CBR4: variants seen among roughly 807,000 people sequenced by gnomAD.
The protein encoded by CBR4 is carbonyl reductase 4.
CBR4 carries 22 observed loss-of-function variants against 21.0 expected under a neutral mutation model. The observed-to-expected ratio is 1.05, with a 90% CI of 0.75 to 1.50. The LOEUF (loss-of-function observed/expected upper bound fraction) is 1.50. Ranked by LOEUF, CBR4 falls within the 40% of genes most tolerant of loss-of-function variation. The pLI is 0.00. For missense variants in CBR4, 302 were observed against 286.3 expected, an observed-to-expected ratio of 1.05 and a Z score of -0.40; for synonymous variants, 100 against 104.4, an observed-to-expected ratio of 0.96 and a Z score of 0.26.
intron 2 of CBR4, chr4:168,903,614 A>G (rs1757015727): frequency 1.5e-6 from 1 of 670,634 alleles, no homozygotes. Context: ...TGAAAAATCA[A>G]TTCCTTAGTC....
chr4:168,936,640 A>G (rs1002670811), intron 2 of CBR4, among the ~76,000 whole-genome samples: 8 of 152,160 alleles, frequency 5.3e-5, no homozygotes, highest in African/African-American at 1.9e-4. Flanking sequence ...TGAAGTATAC[A>G]AAAGTATCAA....
At chr4:168,900,482 C>T (rs574477692) in intron 2 of CBR4, among the ~76,000 whole-genome samples, 1 of 152,122 alleles carries the variant, frequency 6.6e-6, no homozygotes, top group Non-Finnish European at 1.5e-5. Flanking sequence ...GCAATGTACT[C>T]AATGAAATAA....
At chr4:169,007,820 T>C in intron 1 of CBR4, 64 bp from the exon 2 acceptor site, 2 of 1,214,584 alleles carry the variant, frequency 1.6e-6, no homozygotes, top group Non-Finnish European at 2.3e-6. Context: ...CAATACACAT[T>C]TGTTAAGCAT....
At chr4:168,993,673 T>G (rs1359243836) in intron 4 of CBR4, among the ~76,000 whole-genome samples, 1 of 152,210 alleles carries the variant, frequency 6.6e-6, no homozygotes, top group Non-Finnish European at 1.5e-5. Flanking sequence ...CTTTTCAAAC[T>G]CTAGCAAAAT....
chr4:168,925,211 C>T (rs754499966), intron 2 of CBR4: 5 of 1,459,220 alleles, frequency 3.4e-6, no homozygotes, highest in Non-Finnish European at 4.6e-6. Context: ...TCATATTGCT[C>T]TCTCTCTCTT....
chr4:168,964,017 G>A (rs899478607), intron 2 of CBR4, among the ~76,000 whole-genome samples: 2 of 152,058 alleles, frequency 1.3e-5, no homozygotes, highest in South Asian at 2.1e-4. Context: ...GCAACTGACA[G>A]GAAATATAGA....
intron 2 of CBR4, among the ~76,000 whole-genome samples, chr4:168,979,385 A>G (rs1764471479): frequency 6.6e-6 from 1 of 151,850 alleles, no homozygotes. Flanking sequence ...TTTATAGAAA[A>G]GCAACCAGAC....
intron 4 of CBR4, among the ~76,000 whole-genome samples, chr4:168,995,446 C>T (rs1284015182): frequency 6.6e-6 from 1 of 152,138 alleles, no homozygotes; most frequent in Non-Finnish European, 1.5e-5. Context: ...AAGCCTTAGA[C>T]AGGCAAGGAG....
chr4:169,005,288 A>G (rs1730814165), intron 3 of CBR4: 1 of 152,280 alleles, frequency 6.6e-6, no homozygotes, highest in African/African-American at 2.4e-5. Flanking sequence ...ACCTATTAAC[A>G]GTAGTGTCAC....
intron 2 of CBR4, among the ~76,000 whole-genome samples, chr4:168,977,548 T>C (rs1184958944): frequency 6.6e-6 from 1 of 152,190 alleles, no homozygotes; most frequent in East Asian, 1.9e-4. Flanking sequence ...CTAAACTCTC[T>C]ACCTAAGCAA....
chr4:168,910,176 G>A (rs1235154597), intron 2 of CBR4, among the ~76,000 whole-genome samples: 1 of 150,510 alleles, frequency 6.6e-6, no homozygotes, highest in Non-Finnish European at 1.5e-5. Context: ...TGAAAACAGT[G>A]TAGAAATGTG....
chr4:168,948,318 T>A (rs922343410), intron 2 of CBR4, among the ~76,000 whole-genome samples: 3 of 152,174 alleles, frequency 2.0e-5, no homozygotes, highest in African/African-American at 7.2e-5. Context: ...ACTCTGTGGG[T>A]TGTCTGTTTA....
intron 2 of CBR4, chr4:168,898,410 A>G (rs1417110845): frequency 5.9e-6 from 5 of 844,220 alleles, no homozygotes; most frequent in African/African-American, 1.7e-5. Flanking sequence ...ACTGTCTTCT[A>G]GGGCCTTATT....
At chr4:168,928,081 T>TAATA (rs1460381710) in intron 2 of CBR4, 2 of 196,174 alleles carry the variant, frequency 1.0e-5, no homozygotes, top group East Asian at 8.0e-5. Flanking sequence ...TTTAAGTGAT[T>TAATA]AATAGGCTTG....
intron 2 of CBR4, chr4:168,903,981 T>C (rs1259489810): frequency 3.7e-6 from 5 of 1,354,738 alleles, no homozygotes; most frequent in Non-Finnish European, 5.3e-6. Flanking sequence ...AAGGAACTAT[T>C]TAAAAGGTGA....
rs768895830 is a variant in CBR4 at position 168,898,450 on chromosome 4, C to G, written n.170-3685G>C. On this transcript the variant is annotated intron_variant and non_coding_transcript_variant, in intron 2 of 3. Transcript: ENST00000509108. ...GGCAGGGAGAGACGTGACACTTTGT[C>G]AGAAGGGATTGAGTCTGCTAACTTA... 42 of 1,266,488 alleles carry G rather than the reference C, an allele frequency of 3.3e-5. No homozygotes were observed. In the Admixed American group the frequency reaches 7.1e-4, roughly 21 times the overall value. The allele number at this position is 1,266,488 out of a possible 1,614,324, so 78.5% of individuals were successfully genotyped here. A position where few individuals can be genotyped will look rare whatever the true frequency, so the allele number is the denominator to read the frequency against.
chr4:169,005,122 T>C (rs1318285940), intron 3 of CBR4: 2 of 151,990 alleles, frequency 1.3e-5, no homozygotes, highest in Non-Finnish European at 2.9e-5. Context: ...AAGAGAACTG[T>C]GAAGTACACA....
chr4:168,986,812 A>T (rs535140426), downstream of CBR4, among the ~76,000 whole-genome samples: 1 of 152,102 alleles, frequency 6.6e-6, no homozygotes, highest in Non-Finnish European at 1.5e-5. Context: ...ACGCAGGGTT[A>T]ATACCTGTTG....
downstream of CBR4, among the ~76,000 whole-genome samples, chr4:168,985,714 G>C (rs1764670425): frequency 6.6e-6 from 1 of 152,166 alleles, no homozygotes; most frequent in Non-Finnish European, 1.5e-5. Flanking sequence ...AAAAAAATTA[G>C]ATTATGAGAT....
Sources: allele counts gnomAD v4.1 joint callset (sites outside exome capture counted in the v4.1 genomes callset), GRCh38; gene constraint gnomAD v4.1.1; transcripts MANE v1.5; gene names NCBI Gene and HGNC (gene_info 2026-07-23, HGNC 2026-07-21).